PTK2B: variants seen among roughly 807,000 people sequenced by gnomAD.
PTK2B encodes the protein protein tyrosine kinase 2 beta, also known as protein-tyrosine kinase 2-beta.
Under a neutral mutation model 142.9 loss-of-function variants are expected in PTK2B, and 71 were observed. The ratio of observed to expected loss-of-function variants is 0.50; its 90% CI spans 0.41 to 0.61. The LOEUF is 0.61. PTK2B is among the 20% of genes least tolerant of loss of function. The pLI is 0.00. For synonymous variants in PTK2B, 519 were observed against 503.4 expected, an observed-to-expected ratio of 1.03 and a Z score of -0.42; for missense variants, 1,105 against 1,320.4, an observed-to-expected ratio of 0.84 and a Z score of 2.53.
At chr8:27,341,074 T>C (rs1015070567) in intron 1 of PTK2B, among the ~76,000 whole-genome samples, 21 of 152,044 alleles carry the variant, frequency 1.4e-4, no homozygotes, top group African/African-American at 5.1e-4. Flanking sequence ...AGCTATTCCA[T>C]CGGGATGATG....
chr8:27,458,284 C>A lies in PTK2B; in HGVS notation c.2815-10C>A, dbSNP rs1812276878. On this transcript the variant is annotated splice_polypyrimidine_tract_variant and intron_variant, in intron 30 of 30. Transcript: ENST00000346049. The stretch of plus-strand genomic sequence containing the variant: ...GGCCTCTCAACCTGTCCTGTGTGAT[C>A]TTCCTACAGATCGAGGGCACCCAGA... The A allele has an allele frequency of 6.2e-7, 1 of 1,612,610 alleles. No individual in the cohort carries two copies. The highest frequency in any genetic ancestry group is 1.1e-5 in the South Asian group (1 of 90,884).
intron 1 of PTK2B, among the ~76,000 whole-genome samples, chr8:27,350,287 A>G (rs1804966495): frequency 6.6e-6 from 1 of 152,244 alleles, no homozygotes; most frequent in African/African-American, 2.4e-5. Flanking sequence ...CAGAGGGACA[A>G]ACAAATAGAA....
chr8:27,458,583 A>T lies in PTK2B; in HGVS notation c.*74A>T, dbSNP rs1812304339. On this transcript the variant is annotated 3_prime_UTR_variant, in exon 31 of 31. Transcript: ENST00000346049. ...TACCTCCCCTGCCTTGCTGTTGGTC[A>T]TGTGGGTCTTCCAGGGGGAAGGCCA... 11 of 1,476,316 alleles carry T rather than the reference A, an allele frequency of 7.5e-6. No individual in the cohort carries two copies. In the South Asian group the frequency reaches 1.0e-4, roughly 13 times the overall value. The allele number at this position is 1,476,316 out of a possible 1,614,324, so 91.5% of individuals were successfully genotyped here.
At chr8:27,358,221 T>C (rs1479273469) in intron 1 of PTK2B, among the ~76,000 whole-genome samples, 1 of 152,210 alleles carries the variant, frequency 6.6e-6, no homozygotes, top group Non-Finnish European at 1.5e-5. Context: ...CACTGTAGGT[T>C]CAGCTGAGTT....
At chr8:27,382,248 A>G (rs117925988) in intron 1 of PTK2B, among the ~76,000 whole-genome samples, 2 of 152,224 alleles carry the variant, frequency 1.3e-5, no homozygotes, top group Non-Finnish European at 2.9e-5. Flanking sequence ...ACACCTGGTT[A>G]TATGTCTTCT....
At chr8:27,365,918 A>T (rs1805994512) in intron 1 of PTK2B, among the ~76,000 whole-genome samples, 1 of 152,220 alleles carries the variant, frequency 6.6e-6, no homozygotes, top group Non-Finnish European at 1.5e-5. Context: ...CTTCGGACTT[A>T]GCCAGTCCTG....
intron 2 of PTK2B, among the ~76,000 whole-genome samples, chr8:27,312,563 A>C (rs1006507707): frequency 8.5e-5 from 13 of 152,176 alleles, no homozygotes; most frequent in Non-Finnish European, 1.6e-4. Context: ...TTTTAGCAGT[A>C]TTCATGAAAT....
At chr8:27,421,930 A>G (rs1809780303) in intron 4 of PTK2B, among the ~76,000 whole-genome samples, 1 of 152,250 alleles carries the variant, frequency 6.6e-6, no homozygotes, top group South Asian at 2.1e-4. Context: ...AGACTGAGCT[A>G]GACTTTTCTT....
At chr8:27,314,450 T>C (rs535048155) in intron 3 of PTK2B, among the ~76,000 whole-genome samples, 1 of 152,138 alleles carries the variant, frequency 6.6e-6, no homozygotes, top group Non-Finnish European at 1.5e-5. Context: ...TGTGGTGGTG[T>C]GCGCCTATAG....
At chr8:27,420,188 G>A (rs1042210782) in intron 3 of PTK2B, 115 bp downstream of exon 3, 10 of 1,256,474 alleles carry the variant, frequency 8.0e-6, no homozygotes, top group South Asian at 4.3e-5. Context: ...TAGCAAACCT[G>A]AGTGGCATTC....
intron 1 of PTK2B, among the ~76,000 whole-genome samples, chr8:27,341,117 T>C (rs1266788154): frequency 6.6e-6 from 1 of 152,166 alleles, no homozygotes; most frequent in Non-Finnish European, 1.5e-5. Flanking sequence ...TAGAAGGCGC[T>C]GTGGTGGAGG....
intron 1 of PTK2B, among the ~76,000 whole-genome samples, chr8:27,371,968 C>A (rs540609105): frequency 6.6e-6 from 1 of 152,192 alleles, no homozygotes; most frequent in Non-Finnish European, 1.5e-5. Flanking sequence ...ACCAATATGA[C>A]GCTTGAGCTA....
At chr8:27,451,660 G>A in intron 27 of PTK2B, 151 bp downstream of exon 27, 13 of 1,493,670 alleles carry the variant, frequency 8.7e-6, no homozygotes, top group Non-Finnish European at 1.2e-5. Flanking sequence ...TGTGGGGCAG[G>A]CCAGCTTCCC....
intron 1 of PTK2B, among the ~76,000 whole-genome samples, chr8:27,352,115 C>T (rs918783564): frequency 4.6e-5 from 7 of 152,182 alleles, no homozygotes; most frequent in African/African-American, 1.7e-4. Context: ...CCTGTCCTCT[C>T]CCCAGCTGAC....
At chr8:27,415,911 T>C (rs1275645062) in intron 2 of PTK2B, among the ~76,000 whole-genome samples, 1 of 152,222 alleles carries the variant, frequency 6.6e-6, no homozygotes, top group Non-Finnish European at 1.5e-5. Flanking sequence ...AGATATGCCA[T>C]GTTCATGTAT....
At chr8:27,434,009 T>C in intron 11 of PTK2B, 84 bp from the exon 12 acceptor site, 1 of 1,495,708 alleles carries the variant, frequency 6.7e-7, no homozygotes, top group Non-Finnish European at 9.3e-7. Context: ...GGAGAGTCCC[T>C]TGTAGGAATA....
At chr8:27,395,622 A>T (rs1807999588) in intron 1 of PTK2B, among the ~76,000 whole-genome samples, 4 of 152,174 alleles carry the variant, frequency 2.6e-5, no homozygotes, top group Admixed American at 2.6e-4. Context: ...TCCCTTGTGC[A>T]GAACTGGCTG....
chr8:27,448,604 A>G (rs1265504216), intron 24 of PTK2B, among the ~76,000 whole-genome samples: 1 of 48,912 alleles, frequency 2.0e-5, no homozygotes, highest in East Asian at 2.9e-4. Context: ...ATAAACTTAC[A>G]AATACTTACA....
chr8:27,434,310 C>G (rs927801427), intron 12 of PTK2B, among the ~76,000 whole-genome samples, 178 bp downstream of exon 12: 4 of 152,192 alleles, frequency 2.6e-5, no homozygotes, highest in Non-Finnish European at 5.9e-5. Context: ...CCTATGCCTT[C>G]ATGCCACCTG....
Sources: allele counts gnomAD v4.1 joint callset (sites outside exome capture counted in the v4.1 genomes callset), GRCh38; gene constraint gnomAD v4.1.1; transcripts MANE v1.5; gene names NCBI Gene and HGNC (gene_info 2026-07-23, HGNC 2026-07-21).